PLPP1: variants seen among roughly 807,000 people sequenced by gnomAD.
PLPP1 encodes the protein lipid phosphate phosphohydrolase 1a.
In PLPP1, 24 loss-of-function variants were observed where a neutral mutation model predicts 31.2. The observed-to-expected ratio is 0.77, with a 90% CI of 0.56 to 1.08. The LOEUF is 1.08. PLPP1 is among the 50% of genes least tolerant of loss of function. The probability of loss-of-function intolerance (pLI) is 0.00; values close to 1 mark genes in which losing one functional copy is unlikely to be tolerated. For missense variants in PLPP1, 319 were observed against 342.7 expected (o/e 0.93, Z 0.55); for synonymous variants, 146 against 126.3 (o/e 1.16, Z -1.05).
At chr5:55,500,361 G>T (rs752751495) in intron 1 of PLPP1, among the ~76,000 whole-genome samples, 13 of 152,158 alleles carry the variant, frequency 8.5e-5, no homozygotes, top group Non-Finnish European at 1.0e-4. Flanking sequence ...TTACAGGCGT[G>T]AGCCACCACG....
intron 4 of PLPP1, among the ~76,000 whole-genome samples, chr5:55,428,723 C>CT (rs775526504): frequency 1.2e-4 from 18 of 152,200 alleles, no homozygotes; most frequent in Non-Finnish European, 1.5e-4. Context: ...AGCGCCAAGG[C>CT]TAATAGTAAA....
intron 4 of PLPP1, among the ~76,000 whole-genome samples, chr5:55,426,622 GGTCTCAAACTCCTC>G: frequency 6.6e-6 from 1 of 151,510 alleles, no homozygotes; most frequent in Non-Finnish European, 1.5e-5. Context: ...TGCCCAGGCT[GGTCTCAAACTCCTC>G]GTCTCAAGTA....
At chr5:55,526,931 C>CAAAAAAA (rs34267008) in intron 1 of PLPP1, among the ~76,000 whole-genome samples, 6 of 75,474 alleles carry the variant, frequency 7.9e-5, no homozygotes, top group Admixed American at 1.8e-4. Flanking sequence ...GATTCCATCT[C>CAAAAAAA]AAAAAAAAAA....
intron 1 of PLPP1, among the ~76,000 whole-genome samples, chr5:55,504,091 C>CCGGGTGTGGTGGCTCA (rs1753209074): frequency 6.6e-6 from 1 of 151,762 alleles, no homozygotes; most frequent in African/African-American, 2.4e-5. Flanking sequence ...AAAAATTAGG[C>CCGGGTGTGGTGGCTCA]CGGGTGTGGT....
intron 1 of PLPP1, among the ~76,000 whole-genome samples, chr5:55,513,222 G>A: frequency 6.7e-6 from 1 of 149,620 alleles, no homozygotes; most frequent in East Asian, 2.0e-4. Flanking sequence ...ATATTCCAAA[G>A]AATATCAAGT....
At chr5:55,476,689 C>T (rs910352219) in intron 1 of PLPP1, among the ~76,000 whole-genome samples, 1 of 152,286 alleles carries the variant, frequency 6.6e-6, no homozygotes, top group Non-Finnish European at 1.5e-5. Flanking sequence ...AAAAGTGTTG[C>T]TTCTCCATGA....
intron 3 of PLPP1, among the ~76,000 whole-genome samples, chr5:55,455,555 A>G (rs747357672): frequency 3.3e-4 from 50 of 152,212 alleles, no homozygotes; most frequent in Non-Finnish European, 5.9e-4. Context: ...CGGGAGGTCA[A>G]GGCTGTAGTG....
intron 1 of PLPP1, chr5:55,508,735 G>C (rs903943958): frequency 6.5e-6 from 1 of 154,076 alleles, no homozygotes; most frequent in Non-Finnish European, 1.5e-5. Flanking sequence ...AGGTATCATA[G>C]GGAGGTCCAT....
chr5:55,453,681 CTGTAATCCTAGCAAT>C (rs1352332865), intron 3 of PLPP1, among the ~76,000 whole-genome samples: 19 of 152,194 alleles, frequency 1.2e-4, no homozygotes, highest in African/African-American at 4.3e-4. Flanking sequence ...TGGCTCCCAC[CTGTAATCCTAGCAAT>C]TTGGGAGGCC....
chr5:55,517,228 G>A (rs150119656), intron 1 of PLPP1, among the ~76,000 whole-genome samples: 90 of 151,866 alleles, frequency 5.9e-4, no homozygotes, highest in African/African-American at 1.8e-3. Flanking sequence ...TCACTCTGTC[G>A]CCCAGGCTAG....
At chr5:55,439,866 C>T (rs1039945270) in intron 4 of PLPP1, among the ~76,000 whole-genome samples, 1 of 152,148 alleles carries the variant, frequency 6.6e-6, no homozygotes, top group Non-Finnish European at 1.5e-5. Context: ...AGTTATGTGT[C>T]AGTCACTTCC....
chr5:55,438,608 ATGT>A (rs1751548767), intron 4 of PLPP1, among the ~76,000 whole-genome samples: 1 of 152,156 alleles, frequency 6.6e-6, no homozygotes, highest in Admixed American at 6.5e-5. Flanking sequence ...TAGAGGTTAA[ATGT>A]TGTACATAGG....
intron 3 of PLPP1, among the ~76,000 whole-genome samples, chr5:55,462,977 A>AAAAAAG (rs1455565358): frequency 6.7e-4 from 102 of 152,210 alleles, no homozygotes; most frequent in African/African-American, 2.4e-3. Context: ...CATCTCAAAA[A>AAAAAAG]AAAAAGAAAA....
intron 5 of PLPP1, 198 bp from the exon 6 acceptor site, chr5:55,425,532 C>A: frequency 4.0e-6 from 2 of 503,736 alleles, no homozygotes; most frequent in Non-Finnish European, 6.6e-6. Flanking sequence ...GTTATGCCTT[C>A]AGCAAATAGC....
Position 55,457,872 on chromosome 5 carries a change from C to T in PLPP1, c.491+9997G>A, listed in dbSNP as rs530725111. On this transcript the variant is annotated intron_variant, in intron 3 of 5. Coordinates refer to ENST00000307259, the MANE Select transcript of PLPP1 (RefSeq NM_003711.4). Reference sequence around the variant, plus strand: ...CCACTGCACTCCAGCCTGGGTGACACAGCGAGACTCTGTCTCAAAAAAAAA... The same window carrying T: ...CCACTGCACTCCAGCCTGGGTGACATAGCGAGACTCTGTCTCAAAAAAAAA... Among the ~76,000 whole-genome samples, 31 of 138,550 alleles carry T rather than the reference C, an allele frequency of 2.2e-4. No homozygotes were observed. The Admixed American group carries it at 2.3e-3, about 10-fold the overall frequency. The allele number at this position is 138,550 out of a possible 152,430, so 90.9% of individuals were successfully genotyped here. A position where few individuals can be genotyped will look rare whatever the true frequency, so the allele number is the denominator to read the frequency against.
At chr5:55,522,027 C>T (rs979157968) in intron 1 of PLPP1, among the ~76,000 whole-genome samples, 5 of 152,218 alleles carry the variant, frequency 3.3e-5, no homozygotes, top group Non-Finnish European at 5.9e-5. Context: ...CTGAAGGGCT[C>T]ATCTGCTACA....
intron 3 of PLPP1, among the ~76,000 whole-genome samples, chr5:55,443,872 G>C (rs112194701): frequency 2.6e-4 from 1 of 3,820 alleles, no homozygotes; most frequent in African/African-American, 4.2e-4. Context: ...TTAACAAACA[G>C]ATCATAATAT....
At chr5:55,474,449 T>C (rs952608757) in intron 2 of PLPP1, among the ~76,000 whole-genome samples, 1 of 152,224 alleles carries the variant, frequency 6.6e-6, no homozygotes, top group Non-Finnish European at 1.5e-5. Context: ...ATAAAAATCA[T>C]GTAGTCCAGT....
At chr5:55,450,235 T>TC (rs1751863528) in intron 3 of PLPP1, among the ~76,000 whole-genome samples, 1 of 152,204 alleles carries the variant, frequency 6.6e-6, no homozygotes, top group South Asian at 2.1e-4. Flanking sequence ...CCACAGCCAC[T>TC]AACATCTGTG....
Sources: gnomAD v4.1 joint callset for allele counts (sites outside exome capture counted in the v4.1 genomes callset) on GRCh38, gnomAD v4.1.1 for gene constraint, MANE v1.5 for transcripts, NCBI Gene and HGNC (gene_info 2026-07-23, HGNC 2026-07-21) for gene names.